RDH11: variants seen among roughly 807,000 people sequenced by gnomAD.
The protein encoded by RDH11 is retinol dehydrogenase 11.
In RDH11, 19 loss-of-function variants were observed where a neutral mutation model predicts 33.4. The observed-to-expected ratio is 0.57, with a 90% CI of 0.40 to 0.83. The LOEUF is 0.83. Ranked by LOEUF, RDH11 falls within the 40% of genes least tolerant of loss-of-function variation. The pLI, the probability that RDH11 is intolerant of heterozygous loss-of-function variation, is 0.00. For synonymous variants in RDH11, 154 were observed against 155.3 expected (o/e 0.99, Z 0.06); for missense variants, 353 against 389.0 (o/e 0.91, Z 0.78).
chr14:67,695,617 C>T lies in RDH11; in HGVS notation c.74+13G>A, dbSNP rs991550049. On this transcript the variant is annotated intron_variant, in intron 1 of 6. Coordinates refer to ENST00000381346, the MANE Select transcript of RDH11 (RefSeq NM_016026.4). ...CAAGAATTCTCAAGAGAAGGCAATA[C>T]ATTTGCACAGACCTGATTTGGGGCG... 5 of 1,611,942 alleles carry T rather than the reference C, an allele frequency of 3.1e-6. No homozygotes were observed. Among genetic ancestry groups the T allele is most frequent in the African/African-American group, 1.3e-5 (1 of 74,850 alleles).
chr14:67,684,587 C>CT (rs545781349), intron 6 of RDH11: 23,912 of 142,174 alleles, frequency 0.17, 1,983 homozygotes, highest in African/African-American at 0.23. Context: ...GATTCAAATT[C>CT]TTTTTTTTTT....
rs1316726329 is a variant in RDH11 at position 67,678,203 on chromosome 14, T to TGGAAGGTTTTGCTCTCTTTGTGC, written c.*95_*117dup. ...TAACTGGACACCAAGCAGGCAAGGC[T>TGGAAGGTTTTGCTCTCTTTGTGC]GGAAGGTTTTGCTCTCTTTGTGCTA... On this transcript the variant is annotated 3_prime_UTR_variant, in exon 7 of 7. Coordinates refer to ENST00000381346, the MANE Select transcript of RDH11 (RefSeq NM_016026.4). 2.1e-5 allele frequency: 14 copies of TGGAAGGTTTTGCTCTCTTTGTGC among 680,282 alleles called. No homozygotes were observed. The East Asian group carries it at 3.7e-4, about 18-fold the overall frequency. 42.1% of individuals were successfully genotyped at this position (680,282 alleles called of 1,614,324 possible).
chr14:67,688,221 T>C (rs899171299), intron 5 of RDH11, among the ~76,000 whole-genome samples: 1 of 152,206 alleles, frequency 6.6e-6, no homozygotes, highest in Non-Finnish European at 1.5e-5. Flanking sequence ...AAATCCATTG[T>C]AAGTCCTGGT....
At chr14:67,688,058 C>A (rs1004915770) in intron 5 of RDH11, among the ~76,000 whole-genome samples, 1 of 152,054 alleles carries the variant, frequency 6.6e-6, no homozygotes, top group Non-Finnish European at 1.5e-5. Flanking sequence ...CAGGTGTGAG[C>A]CACCGCGCCC....
At position 67,677,392 on chromosome 14, in the gene RDH11, T is replaced by TTTTCCC. The variant is rs2037555410; in HGVS notation, c.*928_*929insGGGAAA. 7.3e-6 allele frequency: 1 copy of TTTTCCC among 136,352 alleles called. No individual in the cohort carries two copies. The highest frequency in any genetic ancestry group is 1.6e-5 in the Non-Finnish European group (1 of 62,976). 8.4% of individuals were successfully genotyped at this position (136,352 alleles called of 1,614,324 possible). On this transcript the variant is annotated 3_prime_UTR_variant, in exon 7 of 7. Coordinates refer to ENST00000381346, the MANE Select transcript of RDH11 (RefSeq NM_016026.4). ...TTTTTTTTTTTTTTTTTTTTTTTTT[T>TTTTCCC]GCCACACTGGTTTTTGTTAAGACCT...
chr14:67,684,208 AT>A (rs1261384298), intron 6 of RDH11, among the ~76,000 whole-genome samples: 1 of 152,168 alleles, frequency 6.6e-6, no homozygotes, highest in African/African-American at 2.4e-5. Flanking sequence ...GCCTCTCATA[AT>A]CTGTCTGCCT....
chr14:67,692,729 A>G (rs1279219496), intron 2 of RDH11, 136 bp from the exon 3 acceptor site: 11 of 1,046,542 alleles, frequency 1.1e-5, no homozygotes, highest in South Asian at 1.7e-5. Context: ...TCTGATTAGC[A>G]AATAGGTAAA....
In RDH11 at chr14:67,683,087, A is replaced by C. The variant is rs1055287079; in HGVS notation, c.854+1928T>G. On this transcript the variant is annotated intron_variant, in intron 6 of 6. Coordinates refer to ENST00000381346, the MANE Select transcript of RDH11 (RefSeq NM_016026.4). ...TGCAGGCAGAAAGAAGAGCCAGTGC[A>C]AAAATCTTAAGGCTTCAATCAAAAG... Among the ~76,000 whole-genome samples the C allele has an allele frequency of 2.6e-4, 40 of 152,230 alleles. 1 individual carries two copies. Among genetic ancestry groups the C allele is most frequent in the Non-Finnish European group, 4.4e-5 (3 of 68,038 alleles).
intron 6 of RDH11, among the ~76,000 whole-genome samples, chr14:67,683,070 G>A (rs1341877066): frequency 6.6e-6 from 1 of 152,210 alleles, no homozygotes; most frequent in Non-Finnish European, 1.5e-5. Flanking sequence ...GTTGCAGGCA[G>A]AAAGAAGAGC....
intron 5 of RDH11, among the ~76,000 whole-genome samples, chr14:67,689,124 A>C (rs957407129): frequency 6.6e-6 from 1 of 152,220 alleles, no homozygotes; most frequent in African/African-American, 2.4e-5. Flanking sequence ...CTCTTTGGAT[A>C]GTTTTCACCA....
At chr14:67,684,020 A>C (rs2037646163) in intron 6 of RDH11, among the ~76,000 whole-genome samples, 1 of 152,206 alleles carries the variant, frequency 6.6e-6, no homozygotes, top group African/African-American at 2.4e-5. Context: ...CCAGTGATAA[A>C]AATTCTGCTG....
At chr14:67,695,552 A>T in intron 1 of RDH11, 78 bp downstream of exon 1, 1 of 1,440,320 alleles carries the variant, frequency 6.9e-7, no homozygotes, top group Non-Finnish European at 9.5e-7. Context: ...TTTCCAAGAA[A>T]GCTTTGGTGG....
chr14:67,693,070 G>A lies in RDH11; in HGVS notation c.75-18C>T. 1 of 1,558,520 alleles carries A rather than the reference G, an allele frequency of 6.4e-7. No individual in the cohort carries two copies. The highest frequency in any genetic ancestry group is 8.8e-7 in the Non-Finnish European group (1 of 1,133,134). ...GCATTTTCCTGCAGACAGAGAAGGA[G>A]AGCTCATCAATTCTTCATTCTACTG... On this transcript the variant is annotated intron_variant, in intron 1 of 6. Coordinates refer to ENST00000381346, the MANE Select transcript of RDH11 (RefSeq NM_016026.4).
chr14:67,694,310 T>C (rs966486492), intron 1 of RDH11, among the ~76,000 whole-genome samples: 3 of 151,898 alleles, frequency 2.0e-5, no homozygotes, highest in African/African-American at 7.3e-5. Flanking sequence ...AGTGACAACT[T>C]AGTAGGACCT....
intron 6 of RDH11, 187 bp downstream of exon 6, chr14:67,684,828 A>G (rs2037656727): frequency 2.2e-6 from 1 of 462,976 alleles, no homozygotes; most frequent in South Asian, 5.0e-5. Flanking sequence ...AAAAGATGGC[A>G]TAAAATCAAA....
intron 6 of RDH11, 136 bp from the exon 7 acceptor site, chr14:67,678,559 T>TTA: frequency 1.7e-6 from 1 of 588,296 alleles, no homozygotes; most frequent in Non-Finnish European, 3.0e-6. Context: ...GTGTTTGTCC[T>TTA]TATCTCTTCA....
intron 6 of RDH11, among the ~76,000 whole-genome samples, chr14:67,681,814 C>T (rs2037619535): frequency 1.3e-5 from 2 of 151,960 alleles, no homozygotes; most frequent in African/African-American, 4.8e-5. Flanking sequence ...GATCACAGAC[C>T]TATGTAATGC....
chr14:67,691,292 T>A, intron 3 of RDH11, 48 bp from the exon 4 acceptor site: 1 of 1,344,562 alleles, frequency 7.4e-7, no homozygotes, highest in Non-Finnish European at 1.1e-6. Flanking sequence ...CCAAGGCTAT[T>A]ACATCTTAGA....
chr14:67,682,203 C>G (rs1388210960), intron 6 of RDH11, among the ~76,000 whole-genome samples: 1 of 152,110 alleles, frequency 6.6e-6, no homozygotes, highest in East Asian at 1.9e-4. Context: ...ATCTTTGTGA[C>G]CTTGGGTAAG....
Sources: gnomAD v4.1 joint callset for allele counts (sites outside exome capture counted in the v4.1 genomes callset) on GRCh38, gnomAD v4.1.1 for gene constraint, MANE v1.5 for transcripts, NCBI Gene and HGNC (gene_info 2026-07-23, HGNC 2026-07-21) for gene names.